NUP205: variants seen among roughly 807,000 people sequenced by gnomAD.
NUP205 encodes the protein nuclear pore complex protein Nup205.
In NUP205, 76 loss-of-function variants were observed where a neutral mutation model predicts 253.8. The observed-to-expected ratio is 0.30, with a 90% confidence interval of 0.25 to 0.36. The LOEUF is 0.36. Among genes scored for constraint, NUP205 ranks in the 10% least tolerant of loss-of-function variants. The pLI is 1.00. For missense variants in NUP205, 2,162 were observed against 2,425.5 expected (o/e 0.89, Z 2.28); for synonymous variants, 832 against 850.1 (o/e 0.98, Z 0.37).
intron 16 of NUP205, 82 bp from the exon 17 acceptor site, chr7:135,601,288 A>T: frequency 1.6e-6 from 2 of 1,247,382 alleles, no homozygotes; most frequent in Non-Finnish European, 2.3e-6. Context: ...CTAATTTACA[A>T]GTCTCATACA....
At chr7:135,582,495 T>C (rs1451086502) in intron 7 of NUP205, among the ~76,000 whole-genome samples, 1 of 152,148 alleles carries the variant, frequency 6.6e-6, no homozygotes, top group Non-Finnish European at 1.5e-5. Context: ...AAGCACGTTT[T>C]TGTTTGTTTG....
At chr7:135,575,688 A>C (rs1228112374) in intron 3 of NUP205, among the ~76,000 whole-genome samples, 1 of 152,058 alleles carries the variant, frequency 6.6e-6, no homozygotes, top group African/African-American at 2.4e-5. Context: ...CTAACTACTC[A>C]GGAGGCTAAG....
chr7:135,570,029 T>TTTTATATATA (rs1332254650), intron 1 of NUP205, among the ~76,000 whole-genome samples: 10 of 98,574 alleles, frequency 1.0e-4, no homozygotes, highest in African/African-American at 3.5e-4. Flanking sequence ...TGTTTATGTT[T>TTTTATATATA]TATATATATA....
intron 42 of NUP205, 125 bp from the exon 43 acceptor site, chr7:135,648,279 C>G: frequency 1.3e-6 from 1 of 777,536 alleles, no homozygotes; most frequent in Non-Finnish European, 1.8e-6. Flanking sequence ...TACAAAAATT[C>G]AAAAGTATTT....
intron 18 of NUP205, among the ~76,000 whole-genome samples, chr7:135,603,402 C>T (rs556088223): frequency 1.3e-5 from 2 of 150,994 alleles, no homozygotes; most frequent in South Asian, 2.1e-4. Context: ...CGTGAACCAC[C>T]GCGCCCAGCC....
intron 10 of NUP205, 95 bp downstream of exon 10, chr7:135,588,087 A>G: frequency 9.4e-7 from 1 of 1,069,032 alleles, no homozygotes; most frequent in Non-Finnish European, 1.3e-6. Flanking sequence ...ATTGCTGTTA[A>G]CACAAATGAT....
rs201185647 is a variant in NUP205 at position 135,625,302 on chromosome 7, C to A, written c.4618C>A (p.Leu1540Ile). 41 of 1,613,806 alleles carry A rather than the reference C, an allele frequency of 2.5e-5. No homozygotes were observed. The highest frequency in any genetic ancestry group is 3.2e-5 in the Non-Finnish European group (38 of 1,179,952). ...VEDDRTLQSL[L>I]TPQPPLLKAL... ...AGATGACCGTACTTTGCAGAGCTTA[C>A]TCACCCCACAGCCTCCCCTTTTAAA... Residue 1540 changes from leucine to isoleucine, a missense_variant, in exon 32 of 43, where the codon CTC becomes ATC. This residue lies in a region of NUP205 where 1,144 missense variants were observed against 1,280.9 expected (regional missense o/e 0.89). Transcript: ENST00000285968.
chr7:135,603,303 C>T (rs113858903), intron 18 of NUP205, among the ~76,000 whole-genome samples: 1,962 of 151,344 alleles, frequency 0.013, 49 homozygotes, highest in African/African-American at 0.046. Flanking sequence ...TTGGTAGAGA[C>T]GGGGTTTCAC....
intron 3 of NUP205, among the ~76,000 whole-genome samples, chr7:135,575,073 C>T (rs895230572): frequency 6.6e-6 from 1 of 152,092 alleles, no homozygotes; most frequent in Admixed American, 6.6e-5. Context: ...TTATATCACT[C>T]CAGTGATATA....
rs1209067004 is a variant in NUP205 at position 135,648,678 on chromosome 7, G to A, written c.*122G>A. 1 of 691,978 alleles carries A rather than the reference G, an allele frequency of 1.4e-6. No individual in the cohort carries two copies. The highest frequency in any genetic ancestry group is 1.8e-5 in the African/African-American group (1 of 54,130). 42.9% of individuals were successfully genotyped at this position (691,978 alleles called of 1,614,324 possible). The stretch of plus-strand genomic sequence containing the variant: ...TTTGCTATTTCTTTCTTTGTATATG[G>A]ACATCTTTTCTGTAAACTTCTTCCC... On this transcript the variant is annotated 3_prime_UTR_variant, in exon 43 of 43. Transcript: ENST00000285968.
chr7:135,645,450 A>T lies in NUP205; in HGVS notation c.5684-18A>T, dbSNP rs201874097. The T allele has an allele frequency of 1.1e-4, 175 of 1,608,126 alleles. No individual in the cohort carries two copies. Among genetic ancestry groups the T allele is most frequent in the Admixed American group, 1.2e-4 (7 of 57,986 alleles). ...TATTTGATGAGATTATGTTCCTTTA[A>T]TCTGAGCTCTGGTATAGTTATCATA... On this transcript the variant is annotated intron_variant, in intron 40 of 42. Transcript: ENST00000285968.
intron 13 of NUP205, among the ~76,000 whole-genome samples, chr7:135,596,379 T>A (rs1793835397): frequency 6.6e-6 from 1 of 152,222 alleles, no homozygotes; most frequent in South Asian, 2.1e-4. Context: ...ATACTTCACC[T>A]TTTGATTCCT....
intron 26 of NUP205, 50 bp from the exon 27 acceptor site, chr7:135,617,552 C>A: frequency 7.3e-7 from 1 of 1,373,574 alleles, no homozygotes; most frequent in South Asian, 1.2e-5. Flanking sequence ...TGTTACTGTT[C>A]TACCAGTGTC....
At chr7:135,559,294 G>T (rs753028000) in intron 1 of NUP205, among the ~76,000 whole-genome samples, 14 of 152,060 alleles carry the variant, frequency 9.2e-5, no homozygotes, top group Non-Finnish European at 1.9e-4. Context: ...TTAATATTGC[G>T]GTCCTTCCTT....
chr7:135,597,694 A>G, intron 14 of NUP205: 1 of 452,422 alleles, frequency 2.2e-6, no homozygotes, highest in Non-Finnish European at 3.9e-6. Flanking sequence ...ACTTGAGTCA[A>G]CCTGAAATGA....
At chr7:135,576,164 T>G in intron 3 of NUP205, 106 bp from the exon 4 acceptor site, 32 of 928,426 alleles carry the variant, frequency 3.4e-5, no homozygotes, top group Non-Finnish European at 4.1e-5. Context: ...CCTTAAGCCC[T>G]GAGCTACTGT....
chr7:135,607,130 G>A, intron 21 of NUP205, 117 bp from the exon 22 acceptor site: 1 of 1,324,830 alleles, frequency 7.5e-7, no homozygotes, highest in Non-Finnish European at 1.0e-6. Context: ...ATCAGTATTT[G>A]AAAGAGTGTT....
At chr7:135,621,713 C>G (rs191850742) in intron 30 of NUP205, among the ~76,000 whole-genome samples, 228 of 152,026 alleles carry the variant, frequency 1.5e-3, no homozygotes, top group South Asian at 3.7e-3. Flanking sequence ...ATAAGTATTT[C>G]AACTAAAAAA....
chr7:135,572,129 G>T (rs1806013424), intron 2 of NUP205, among the ~76,000 whole-genome samples: 1 of 152,058 alleles, frequency 6.6e-6, no homozygotes. Flanking sequence ...AAAGTGTTGG[G>T]ATTATAGACG....
Sources: gnomAD v4.1 joint callset for allele counts (sites outside exome capture counted in the v4.1 genomes callset) on GRCh38, gnomAD v4.1.1 for gene constraint, gnomAD v4.1.1 regional missense constraint, MANE v1.5 for transcripts, NCBI Gene and HGNC (gene_info 2026-07-23, HGNC 2026-07-21) for gene names.